The following SDK1 variants were observed in gnomAD, a reference collection of about 807,000 sequenced individuals.
SDK1 encodes the protein sidekick cell adhesion molecule 1, also known as protein sidekick-1.
SDK1 carries 157 observed loss-of-function variants against 245.5 expected under a neutral mutation model. The ratio of observed to expected loss-of-function variants is 0.64; its 90% CI spans 0.56 to 0.73. The LOEUF is 0.73. Among genes scored for constraint, SDK1 ranks in the 30% least tolerant of loss-of-function variants. The pLI is 0.00. For missense variants in SDK1, 3,583 were observed against 3,002.3 expected (o/e 1.19, Z -4.52); for synonymous variants, 1,647 against 1,278.5 (o/e 1.29, Z -6.15).
rs527397554 is a variant in SDK1, at chr7:3,888,490, A to T, written c.848-62433A>T. Among the ~76,000 whole-genome samples, 3 of 152,350 alleles carry T rather than the reference A, an allele frequency of 2.0e-5. No individual in the cohort carries two copies. The East Asian group carries it at 5.8e-4, about 29-fold the overall frequency. Reference sequence around the variant, plus strand: ...CCTTGAGGACCAAAAGAGAAAATATATTCAGTAAATCAATGGTGATGCGTT... The same window carrying T: ...CCTTGAGGACCAAAAGAGAAAATATTTTCAGTAAATCAATGGTGATGCGTT... On this transcript the variant is annotated intron_variant, in intron 5 of 44. Coordinates refer to ENST00000404826, the MANE Select transcript of SDK1 (RefSeq NM_152744.4).
intron 1 of SDK1, among the ~76,000 whole-genome samples, chr7:3,566,469 C>A (rs995621508): frequency 1.3e-5 from 2 of 151,992 alleles, no homozygotes; most frequent in African/African-American, 4.8e-5. Flanking sequence ...TCGTGATCTG[C>A]CTGCCTCGGC....
chr7:3,800,530 C>G (rs1330827563), intron 4 of SDK1, among the ~76,000 whole-genome samples: 2 of 151,970 alleles, frequency 1.3e-5, no homozygotes, highest in East Asian at 3.9e-4. Flanking sequence ...TACAGGTGCC[C>G]ACCACCACAC....
intron 1 of SDK1, among the ~76,000 whole-genome samples, chr7:3,445,595 C>T (rs1460205132): frequency 6.6e-6 from 1 of 152,158 alleles, no homozygotes; most frequent in Non-Finnish European, 1.5e-5. Context: ...ATGGATATTG[C>T]TTATATAATT....
chr7:3,905,117 C>T (rs899993861), intron 5 of SDK1, among the ~76,000 whole-genome samples: 35 of 148,802 alleles, frequency 2.4e-4, no homozygotes, highest in Admixed American at 6.7e-5. Context: ...TAATCAGCAC[C>T]TTTTTTTTTT....
At chr7:3,599,345 G>T (rs192763321) in intron 1 of SDK1, among the ~76,000 whole-genome samples, 2 of 151,948 alleles carry the variant, frequency 1.3e-5, no homozygotes, top group East Asian at 3.9e-4. Context: ...TGATTTCTGC[G>T]GATTCTTTGT....
chr7:4,250,755 ACTCT>A (rs1787241354), intron 44 of SDK1, among the ~76,000 whole-genome samples: 1 of 151,912 alleles, frequency 6.6e-6, no homozygotes, highest in African/African-American at 2.4e-5. Context: ...CCCCAACCCC[ACTCT>A]AGTCAGAATC....
At chr7:3,850,165 C>A (rs936945765) in intron 5 of SDK1, among the ~76,000 whole-genome samples, 7 of 152,140 alleles carry the variant, frequency 4.6e-5, no homozygotes, top group Non-Finnish European at 1.0e-4. Context: ...AATGGACCCA[C>A]CCCCCTTCGA....
intron 4 of SDK1, among the ~76,000 whole-genome samples, chr7:3,738,268 A>G (rs1331347330): frequency 2.0e-5 from 3 of 152,168 alleles, no homozygotes; most frequent in African/African-American, 7.2e-5. Context: ...TTGCATGTGG[A>G]TGTGCAGTTT....
chr7:3,347,282 C>A (rs1723108783), intron 1 of SDK1, among the ~76,000 whole-genome samples: 1 of 151,966 alleles, frequency 6.6e-6, no homozygotes, highest in Non-Finnish European at 1.5e-5. Flanking sequence ...CACATATCTT[C>A]TTATACTCTT....
chr7:4,045,888 A>T (rs951728224), intron 17 of SDK1, among the ~76,000 whole-genome samples: 4 of 152,030 alleles, frequency 2.6e-5, no homozygotes, highest in Non-Finnish European at 2.9e-5. Flanking sequence ...CTTTTTGCGT[A>T]CATTTTTGGT....
rs73294245 is a variant in SDK1 at position 3,378,183 on chromosome 7, C to T, written c.298+76299C>T. Among the ~76,000 whole-genome samples, 1,355 of 152,260 alleles carry T rather than the reference C, an allele frequency of 8.9e-3. 26 individuals carry two copies. The highest frequency in any genetic ancestry group is 0.031 in the African/African-American group (1,276 of 41,540). On this transcript the variant is annotated intron_variant, in intron 1 of 44. Transcript: ENST00000404826. The stretch of plus-strand genomic sequence containing the variant: ...TTGAGAACTGCTCTCAGTCATCTTT[C>T]GGGGGCTACAATTAACATTGTTCTG...
intron 21 of SDK1, among the ~76,000 whole-genome samples, chr7:4,078,065 C>CT (rs1298492306): frequency 2.6e-5 from 4 of 152,220 alleles, no homozygotes; most frequent in Non-Finnish European, 4.4e-5. Context: ...CAGAAACACT[C>CT]TGACGCACAC....
chr7:4,075,630 C>T (rs1250897556), intron 20 of SDK1, among the ~76,000 whole-genome samples: 1 of 151,408 alleles, frequency 6.6e-6, no homozygotes, highest in African/African-American at 2.4e-5. Context: ...TTGATTGATT[C>T]AGGAGCTAGT....
chr7:3,378,824 C>T (rs7782421), intron 1 of SDK1, among the ~76,000 whole-genome samples: 7 of 147,698 alleles, frequency 4.7e-5, no homozygotes, highest in South Asian at 2.3e-4. Flanking sequence ...GGGGGGCCGG[C>T]GGGGTGGGCT....
intron 5 of SDK1, among the ~76,000 whole-genome samples, chr7:3,901,751 C>T (rs1196937019): frequency 6.6e-6 from 1 of 152,206 alleles, no homozygotes; most frequent in Non-Finnish European, 1.5e-5. Flanking sequence ...ATGTTTGTGT[C>T]CTAACTTCTA....
At chr7:3,758,261 T>C (rs929693145) in intron 4 of SDK1, among the ~76,000 whole-genome samples, 9 of 152,266 alleles carry the variant, frequency 5.9e-5, no homozygotes, top group African/African-American at 2.2e-4. Flanking sequence ...GCAGTGGCTC[T>C]TGCTTACAGC....
intron 1 of SDK1, among the ~76,000 whole-genome samples, chr7:3,440,933 G>A (rs1448979087): frequency 1.3e-5 from 2 of 152,100 alleles, no homozygotes; most frequent in African/African-American, 2.4e-5. Context: ...CCTATATGAC[G>A]ACTTGAGCAA....
chr7:4,037,598 C>T (rs61030165), intron 17 of SDK1, among the ~76,000 whole-genome samples: 11,743 of 152,126 alleles, frequency 0.077, 1,037 homozygotes, highest in African/African-American at 0.21. Context: ...CCAGCTTGGG[C>T]GACAGTGCAA....
intron 1 of SDK1, among the ~76,000 whole-genome samples, chr7:3,588,905 C>T (rs749956770): frequency 1.3e-5 from 2 of 152,094 alleles, no homozygotes; most frequent in Admixed American, 6.6e-5. Flanking sequence ...TGTGTTTTGG[C>T]TTATCAAAAA....
Sources: allele counts gnomAD v4.1 joint callset (sites outside exome capture counted in the v4.1 genomes callset), GRCh38; gene constraint gnomAD v4.1.1; transcripts MANE v1.5; gene names NCBI Gene and HGNC (gene_info 2026-07-23, HGNC 2026-07-21).